The following PCARE variants were observed in gnomAD, a reference collection of about 807,000 sequenced individuals.
PCARE encodes the protein uncharacterized protein C2orf71.
PCARE carries 72 observed loss-of-function variants against 82.2 expected under a neutral mutation model. That is an observed-to-expected ratio of 0.88 (90% confidence interval 0.72 to 1.07). The LOEUF (loss-of-function observed/expected upper bound fraction) is 1.07. Ranked by LOEUF, PCARE falls within the 50% of genes least tolerant of loss-of-function variation. The probability of loss-of-function intolerance (pLI) is 0.00; values close to 1 mark genes in which losing one functional copy is unlikely to be tolerated. For missense variants in PCARE, 1,768 were observed against 1,592.4 expected (o/e 1.11, Z -1.88); for synonymous variants, 705 against 634.8 (o/e 1.11, Z -1.66).
At chr2:29,066,875 A>G (rs1257292334) in intron 1 of PCARE, among the ~76,000 whole-genome samples, 1 of 152,212 alleles carries the variant, frequency 6.6e-6, no homozygotes, top group Non-Finnish European at 1.5e-5. Context: ...GAAAGTCTGG[A>G]GCCTTCTCAA....
intron 1 of PCARE, among the ~76,000 whole-genome samples, chr2:29,068,903 T>C (rs555661175): frequency 6.6e-6 from 1 of 152,328 alleles, no homozygotes; most frequent in African/African-American, 2.4e-5. Context: ...TTATATTCTA[T>C]GCCTCCAGGA....
At position 29,073,831 on chromosome 2, in the gene PCARE, T is replaced by TTG; in HGVS notation, c.429_430dup (p.Lys144ThrfsTer39). ...GTGACATTTTGCTGTCCTTTTCCATTTGGAAGTATCTTGGGTACTACTTTC... is the reference window on the plus strand; with the variant it reads ...GTGACATTTTGCTGTCCTTTTCCATTTGTGGAAGTATCTTGGGTACTACTTTC... On this transcript the variant is annotated frameshift_variant, in exon 1 of 2. Coordinates refer to ENST00000331664, the MANE Select transcript of PCARE (RefSeq NM_001029883.3). LOFTEE classifies it high-confidence loss of function. 6.2e-7 allele frequency: 1 copy of TTG among 1,614,208 alleles called. No homozygotes were observed. The highest frequency in any genetic ancestry group is 8.5e-7 in the Non-Finnish European group (1 of 1,180,042).
rs1667464638 is a variant in PCARE at position 29,070,948 on chromosome 2, G to C, written c.3314C>G (p.Ser1105Cys). ...GGCTATGACTGCTTGGCTGTCTTCA[G>C]AGTCTCTTGTTTCCTTGTGCTCCTG... ...PSQEHKETRD[S>C]EDSQAVIAKV... The change falls in exon 1 of 2, where the codon TCT becomes TGT. Residue 1105 changes from serine to cysteine, a missense_variant. Transcript: ENST00000331664. The C allele has an allele frequency of 6.2e-7, 1 of 1,613,514 alleles. No homozygotes were observed. The highest frequency in any genetic ancestry group is 1.7e-5 in the Admixed American group (1 of 59,966).
chr2:29,067,340 A>G (rs1558486036), intron 1 of PCARE, among the ~76,000 whole-genome samples: 1 of 152,206 alleles, frequency 6.6e-6, no homozygotes, highest in Non-Finnish European at 1.5e-5. Context: ...TGCTTACAGC[A>G]GGTGCACTTC....
rs779649658 is a variant in PCARE, at chr2:29,071,618, G to C, written c.2644C>G (p.Leu882Val). Residue 882 changes from leucine to valine, a missense_variant, in exon 1 of 2, where the codon CTG (leucine) becomes GTG (valine). Transcript: ENST00000331664. ...PTRRTWASPK[L>V]RASVSPLDLL... ...TCCAGGGGGCTCACAGAGGCCCTCA[G>C]CTTTGGGGAAGCCCATGTTCTCCTG... The C allele has an allele frequency of 2.5e-6, 4 of 1,613,482 alleles. No homozygotes were observed. In the South Asian group the frequency reaches 4.4e-5, roughly 18 times the overall value.
Position 29,064,046 on chromosome 2 carries a change from C to A in PCARE, c.*823G>T, listed in dbSNP as rs1667351467. 6.5e-6 allele frequency: 1 copy of A among 153,708 alleles called. No individual in the cohort carries two copies. Among genetic ancestry groups the A allele is most frequent in the Admixed American group, 6.5e-5 (1 of 15,294 alleles). The allele number at this position is 153,708 out of a possible 1,614,324, so 9.5% of individuals were successfully genotyped here. ...TGAGAGCATTTGCTACATGCTTAGG[C>A]CGAGAGGCAGCGTGGCTGGTATTGT... On this transcript the variant is annotated 3_prime_UTR_variant, in exon 2 of 2. Transcript: ENST00000331664.
In PCARE at chr2:29,073,930, G is replaced by A; in HGVS notation, c.332C>T (p.Ala111Val). 2 of 1,614,226 alleles carry A rather than the reference G, an allele frequency of 1.2e-6. No individual in the cohort carries two copies. Among genetic ancestry groups the A allele is most frequent in the Non-Finnish European group, 1.7e-6 (2 of 1,180,044 alleles). Residue 111 changes from alanine (A) to valine (V), a missense_variant, in exon 1 of 2, where the codon GCT becomes GTT. Coordinates refer to ENST00000331664, the MANE Select transcript of PCARE (RefSeq NM_001029883.3). ...CTGTGTCTTGAACGGAATATCCTTAGCCATGTGGCTTTGTGATTTGTTCAG... is the reference window on the plus strand; with the variant it reads ...CTGTGTCTTGAACGGAATATCCTTAACCATGTGGCTTTGTGATTTGTTCAG... ...SQLNKSQSHM[A>V]KDIPFKTQGS... is the part of the protein sequence containing the mutation.
chr2:29,063,729 A>G lies in PCARE; in HGVS notation c.*1140T>C, dbSNP rs1006234504. 8 of 152,662 alleles carry G rather than the reference A, an allele frequency of 5.2e-5. No homozygotes were observed. Among genetic ancestry groups the G allele is most frequent in the South Asian group, 2.1e-4 (1 of 4,834 alleles). The allele number at this position is 152,662 out of a possible 1,614,324, so 9.5% of individuals were successfully genotyped here. On this transcript the variant is annotated 3_prime_UTR_variant, in exon 2 of 2. Coordinates refer to ENST00000331664, the MANE Select transcript of PCARE (RefSeq NM_001029883.3). ...AAATAGAACGCACACCACAGCCTCC[A>G]GTGGAAGCATTCCAAGATCTGCAGC... is the stretch of plus-strand genomic sequence containing the variant.
rs1188802793 is a variant in PCARE at position 29,073,459 on chromosome 2, T to A, written c.803A>T (p.Gln268Leu). 1.9e-6 allele frequency: 3 copies of A among 1,614,212 alleles called. No homozygotes were observed. Among genetic ancestry groups the A allele is most frequent in the Non-Finnish European group, 2.5e-6 (3 of 1,180,030 alleles). ...GCTGACTGTGTACTGTAGCAGCTGT[T>A]GCAGGAGATTTGGCTGCTCCTGGGG... is the stretch of plus-strand genomic sequence containing the variant. Reference protein sequence around the residue: ...REPQEQPNLLQQLLQYTVSKL... With the variant: ...REPQEQPNLLLQLLQYTVSKL... Residue 268 changes from glutamine (Q) to leucine (L), a missense_variant, in exon 1 of 2, where the codon CAA becomes CTA. Transcript: ENST00000331664.
chr2:29,072,472 TCTGA>T lies in PCARE; in HGVS notation c.1786_1789del (p.Glu597ArgfsTer147), dbSNP rs766609529. On this transcript the variant is annotated frameshift_variant, in exon 1 of 2. Transcript: ENST00000331664. LOFTEE classifies it high-confidence loss of function. ...CTCCACGTGACTCTGGAGACACGAC[TCTGA>T]CTGGGACCTCGTCTGCCTCTCAGGG... 5.0e-6 allele frequency: 8 copies of T among 1,614,220 alleles called. No individual in the cohort carries two copies. The highest frequency in any genetic ancestry group is 1.3e-5 in the African/African-American group (1 of 75,062).
Position 29,062,332 on chromosome 2 carries a change from G to C in PCARE, c.*2537C>G, listed in dbSNP as rs113825013. 6.6e-6 allele frequency: 1 copy of C among 152,370 alleles called. No individual in the cohort carries two copies. Among genetic ancestry groups the C allele is most frequent in the Non-Finnish European group, 1.5e-5 (1 of 68,084 alleles). The allele number at this position is 152,370 out of a possible 1,614,324, so 9.4% of individuals were successfully genotyped here. A position where few individuals can be genotyped will look rare whatever the true frequency, so the allele number is the denominator to read the frequency against. On this transcript the variant is annotated 3_prime_UTR_variant, in exon 2 of 2. Transcript: ENST00000331664. The stretch of plus-strand genomic sequence containing the variant: ...CCTCGCCCTGTCCTGGCACACGTTG[G>C]CCCCAAGCAAACGTGGAGGTCCTCC...
rs1667485937 is a variant in PCARE at position 29,071,610 on chromosome 2, G to A, written c.2652C>T (p.Ala884=). The change falls in exon 1 of 2, where the codon GCC becomes GCT. Residue 884 remains alanine, a synonymous_variant. Coordinates refer to ENST00000331664, the MANE Select transcript of PCARE (RefSeq NM_001029883.3). ...GCAGCAAGTCCAGGGGGCTCACAGA[G>A]GCCCTCAGCTTTGGGGAAGCCCATG... The part of the protein sequence containing the change: ...RRTWASPKLR[A]SVSPLDLLPS... 4 of 1,613,178 alleles carry A rather than the reference G, an allele frequency of 2.5e-6. No homozygotes were observed. The highest frequency in any genetic ancestry group is 1.3e-5 in the African/African-American group (1 of 74,952).
rs774515390 is a variant in PCARE, at chr2:29,073,711, T to C, written c.551A>G (p.His184Arg). 6.2e-7 allele frequency: 1 copy of C among 1,613,856 alleles called. No individual in the cohort carries two copies. The highest frequency in any genetic ancestry group is 1.7e-5 in the Admixed American group (1 of 60,004). ...VDFPEPLVKA[H>R]QQAYTYLHSS... ...GTGTAGATAGGTGTAAGCCTGCTGGTGGGCCTTTACCAGAGGCTCCGGGAA... is the reference window on the plus strand; with the variant it reads ...GTGTAGATAGGTGTAAGCCTGCTGGCGGGCCTTTACCAGAGGCTCCGGGAA... The change falls in exon 1 of 2, where the codon CAC becomes CGC. Residue 184 changes from histidine to arginine, a missense_variant. Coordinates refer to ENST00000331664, the MANE Select transcript of PCARE (RefSeq NM_001029883.3).
In PCARE at chr2:29,072,884, CA is replaced by C. The variant is rs1667517587; in HGVS notation, c.1377del (p.Phe459LeufsTer39). 6.2e-7 allele frequency: 1 copy of C among 1,614,138 alleles called. No individual in the cohort carries two copies. The highest frequency in any genetic ancestry group is 1.1e-5 in the South Asian group (1 of 91,068). ...TGTGGTTCCACAGAGACCCCAATCC[CA>C]AAGGAATCACATGGGGTGCTTGTCC... The part of the protein sequence containing the change: ...KLGTSTPCDS[F>X]GIGVSVEPHL... On this transcript the variant is annotated frameshift_variant, in exon 1 of 2. Transcript: ENST00000331664. LOFTEE classifies it high-confidence loss of function.
Position 29,072,338 on chromosome 2 carries a change from G to T in PCARE, c.1924C>A (p.Leu642Met), listed in dbSNP as rs1185263781. Residue 642 changes from leucine to methionine, a missense_variant, in exon 1 of 2, where the codon CTG (leucine) becomes ATG (methionine). Coordinates refer to ENST00000331664, the MANE Select transcript of PCARE (RefSeq NM_001029883.3). ...CACACGGCGGCTGCTCTGGGCTGCAGAATTTGCTCCTGGCTCTGCCCCTGC... is the reference window on the plus strand; with the variant it reads ...CACACGGCGGCTGCTCTGGGCTGCATAATTTGCTCCTGGCTCTGCCCCTGC... ...KGQGQSQEQILQPRAAAVWPN... is the reference protein window; with the variant it reads ...KGQGQSQEQIMQPRAAAVWPN... 6.2e-7 allele frequency: 1 copy of T among 1,614,008 alleles called. No homozygotes were observed. The highest frequency in any genetic ancestry group is 1.3e-5 in the African/African-American group (1 of 74,948).
At chr2:29,069,379 G>A (rs1415752270) in intron 1 of PCARE, among the ~76,000 whole-genome samples, 1 of 152,166 alleles carries the variant, frequency 6.6e-6, no homozygotes, top group African/African-American at 2.4e-5. Context: ...TAAAGAACAA[G>A]ATCATGTCTT....
chr2:29,067,145 G>C (rs1026973418), intron 1 of PCARE, among the ~76,000 whole-genome samples: 1 of 152,204 alleles, frequency 6.6e-6, no homozygotes, highest in African/African-American at 2.4e-5. Context: ...AGACATCATG[G>C]GTGTGGTTGT....
intron 1 of PCARE, among the ~76,000 whole-genome samples, chr2:29,068,380 T>C (rs1210104641): frequency 6.6e-6 from 1 of 152,238 alleles, no homozygotes; most frequent in Non-Finnish European, 1.5e-5. Flanking sequence ...CTGGACAGAT[T>C]GTGAAGTCTG....
rs1443475004 is a variant in PCARE at position 29,070,754 on chromosome 2, A to C, written c.3508T>G (p.Trp1170Gly). 6.2e-7 allele frequency: 1 copy of C among 1,614,016 alleles called. No homozygotes were observed. Among genetic ancestry groups the C allele is most frequent in the Non-Finnish European group, 8.5e-7 (1 of 1,180,040 alleles). The change falls in exon 1 of 2, where the codon TGG (tryptophan) becomes GGG (glycine). Residue 1170 changes from tryptophan to glycine, a missense_variant. Physicochemically the swap from Trp to Gly is radical, Grantham distance 184. Transcript: ENST00000331664. ...CTCCGCTGCGAGTCTGCTCTCAGCC[A>C]AGGCCCTGAGCTGTTCTTCCAGCAT... Reference protein sequence around the residue: ...AECWKNSSGPWLRADSQRRAA... With the variant: ...AECWKNSSGPGLRADSQRRAA...
Sources: allele counts gnomAD v4.1 joint callset (sites outside exome capture counted in the v4.1 genomes callset), GRCh38; gene constraint gnomAD v4.1.1; transcripts MANE v1.5; gene names NCBI Gene and HGNC (gene_info 2026-07-23, HGNC 2026-07-21).